PTPRN2: variants seen among roughly 807,000 people sequenced by gnomAD.
PTPRN2 encodes receptor-type tyrosine-protein phosphatase N2.
PTPRN2 carries 74 observed loss-of-function variants against 118.8 expected under a neutral mutation model. The ratio of observed to expected loss-of-function variants is 0.62; its 90% CI spans 0.52 to 0.76. The LOEUF is 0.76. Ranked by LOEUF, PTPRN2 falls within the 30% of genes least tolerant of loss-of-function variation. PTPRN2 has a pLI of 0.00. For missense variants in PTPRN2, 1,481 were observed against 1,394.4 expected, an observed-to-expected ratio of 1.06 and a Z score of -0.99; for synonymous variants, 641 against 608.0, an observed-to-expected ratio of 1.05 and a Z score of -0.80.
chr7:157,809,613 A>G (rs1805851924), intron 12 of PTPRN2, among the ~76,000 whole-genome samples: 1 of 152,156 alleles, frequency 6.6e-6, no homozygotes, highest in African/African-American at 2.4e-5. Flanking sequence ...CATCCTTCTA[A>G]GAAGAGACAG....
At chr7:157,783,924 C>G (rs999716711) in intron 12 of PTPRN2, among the ~76,000 whole-genome samples, 7 of 152,122 alleles carry the variant, frequency 4.6e-5, no homozygotes, top group Non-Finnish European at 8.8e-5. Flanking sequence ...GGCTGGGAGG[C>G]TGGTTGAATG....
chr7:157,712,707 C>A (rs768770327), intron 12 of PTPRN2, among the ~76,000 whole-genome samples: 1 of 140,266 alleles, frequency 7.1e-6, no homozygotes, highest in Non-Finnish European at 1.5e-5. Context: ...CCCAAGATTG[C>A]GCCATTGCAC....
chr7:157,855,194 G>GCGGGGCCGGA (rs2151215462), intron 12 of PTPRN2, among the ~76,000 whole-genome samples: 3 of 150,350 alleles, frequency 2.0e-5, no homozygotes, highest in Admixed American at 6.6e-5. Flanking sequence ...AGGGGTGTGT[G>GCGGGGCCGGA]TGGGGCCGGA....
intron 13 of PTPRN2, among the ~76,000 whole-genome samples, chr7:157,677,370 T>C (rs1357139402): frequency 6.6e-6 from 1 of 152,200 alleles, no homozygotes; most frequent in Admixed American, 6.5e-5. Context: ...TGGCTTGCTG[T>C]ACCCCAACGA....
At chr7:158,291,773 T>C (rs1800133974) in intron 3 of PTPRN2, among the ~76,000 whole-genome samples, 2 of 152,252 alleles carry the variant, frequency 1.3e-5, no homozygotes, top group Admixed American at 1.3e-4. Flanking sequence ...GACTTCTTCA[T>C]ATAGCTTTGC....
chr7:157,858,061 C>G (rs1809869022), intron 12 of PTPRN2, among the ~76,000 whole-genome samples: 1 of 142,012 alleles, frequency 7.0e-6, no homozygotes, highest in African/African-American at 2.6e-5. Flanking sequence ...CTACCACCCA[C>G]ACTCCTGCAG....
intron 15 of PTPRN2, among the ~76,000 whole-genome samples, chr7:157,620,813 G>A (rs543990822): frequency 3.3e-5 from 5 of 152,280 alleles, no homozygotes; most frequent in South Asian, 4.1e-4. Context: ...GGGGGGTGCC[G>A]GGAAGGAGAA....
rs1454911526 is a variant in PTPRN2 at position 158,509,333 on chromosome 7, G to A, written c.113-19548C>T. ...GCTCCCTGATCCCTAACGTGCAATC[G>A]GGGCTGGAGCCGGAGACCCCTCCAC... On this transcript the variant is annotated intron_variant, in intron 1 of 22. Transcript: ENST00000389418. This position sits in a 1 kb window ranked among gnomAD's most constrained non-coding sequence, Gnocchi z 4.4. Among the ~76,000 whole-genome samples the A allele has an allele frequency of 3.9e-5, 6 of 152,088 alleles. No individual in the cohort carries two copies. The highest frequency in any genetic ancestry group is 7.2e-5 in the African/African-American group (3 of 41,424).
intron 2 of PTPRN2, among the ~76,000 whole-genome samples, chr7:158,352,313 TC>T (rs1347129476): frequency 1.1e-5 from 1 of 94,302 alleles, no homozygotes; most frequent in African/African-American, 4.7e-5. Context: ...ACTGCTCCCC[TC>T]CCTGCCAGCT....
intron 2 of PTPRN2, among the ~76,000 whole-genome samples, chr7:158,359,405 G>A (rs1253561575): frequency 1.3e-5 from 2 of 152,150 alleles, no homozygotes; most frequent in East Asian, 1.9e-4. Flanking sequence ...AGTCACAAAG[G>A]AAAGGTGGTC....
At chr7:158,263,291 C>T (rs1437160041) in intron 3 of PTPRN2, among the ~76,000 whole-genome samples, 2 of 152,224 alleles carry the variant, frequency 1.3e-5, no homozygotes, top group Admixed American at 6.5e-5. Flanking sequence ...CTCACAGTCA[C>T]ATGTGCACAC....
chr7:157,558,257 T>C (rs1332238579), intron 21 of PTPRN2, among the ~76,000 whole-genome samples: 1 of 151,858 alleles, frequency 6.6e-6, no homozygotes, highest in Non-Finnish European at 1.5e-5. Flanking sequence ...AGGACCGAGA[T>C]GCAAACGCAG....
Position 157,759,190 on chromosome 7 carries a change from G to A in PTPRN2, c.1789-76253C>T, listed in dbSNP as rs553288542. On this transcript the variant is annotated intron_variant, in intron 12 of 22. Transcript: ENST00000389418. ...CTCCTGGGAGCATCGGTGCCTGGGC[G>A]CCGTGGGCGCAGGCGGTCGGCATTG... Among the ~76,000 whole-genome samples the A allele has an allele frequency of 1.6e-3, 241 of 152,342 alleles. 1 individual carries two copies. Among genetic ancestry groups the A allele is most frequent in the African/African-American group, 5.6e-3 (231 of 41,584 alleles).
In PTPRN2 at chr7:158,509,379, G is replaced by A. The variant is rs1371260459; in HGVS notation, c.113-19594C>T. Among the ~76,000 whole-genome samples, 5 of 152,172 alleles carry A rather than the reference G, an allele frequency of 3.3e-5. No homozygotes were observed. Among genetic ancestry groups the A allele is most frequent in the East Asian group, 1.9e-4 (1 of 5,192 alleles). On this transcript the variant is annotated intron_variant, in intron 1 of 22. Transcript: ENST00000389418. The surrounding 1 kb of genome is among the most constrained non-coding windows in gnomAD (Gnocchi z 4.4). ...TCCACCCTGCAGTCAGGGCCAGCGG[G>A]GCTGTCTCAGGCAGCACATCTAAAG...
rs981967014 is a variant in PTPRN2 at position 158,248,487 on chromosome 7, C to A, written c.278-43214G>T. On this transcript the variant is annotated intron_variant, in intron 3 of 22. Transcript: ENST00000389418. ...ATGTTTGCAATAAATTCAAAATTTT[C>A]AAAATACTGTGTAGGACTGAACAAA... 1.1e-4 allele frequency among the ~76,000 whole-genome samples: 16 copies of A among 152,186 alleles called. 1 individual carries two copies. Among genetic ancestry groups the A allele is most frequent in the Admixed American group, 1.0e-3 (16 of 15,272 alleles).
At chr7:158,504,838 A>C (rs1822627223) in intron 1 of PTPRN2, among the ~76,000 whole-genome samples, 1 of 152,244 alleles carries the variant, frequency 6.6e-6, no homozygotes, top group South Asian at 2.1e-4. Flanking sequence ...TAATACTGCA[A>C]TACGCAATCT....
rs1806161991 is a variant in PTPRN2 at position 157,813,117 on chromosome 7, C to T, written c.1788+85556G>A. 6.6e-6 allele frequency among the ~76,000 whole-genome samples: 1 copy of T among 152,140 alleles called. No individual in the cohort carries two copies. The highest frequency in any genetic ancestry group is 1.9e-4 in the East Asian group (1 of 5,186). ...AAAGACCTGTGCCGTGCTAAAACCA[C>T]ACGCATGGCAGCCTCCCCCAAGCCA... is the stretch of plus-strand genomic sequence containing the variant. On this transcript the variant is annotated intron_variant, in intron 12 of 22. Transcript: ENST00000389418. The surrounding 1 kb of genome is among the most constrained non-coding windows in gnomAD (Gnocchi z 4.7).
rs117788909 is a variant in PTPRN2, at chr7:158,394,842, C to T, written c.164-77910G>A. 3.9e-3 allele frequency among the ~76,000 whole-genome samples: 594 copies of T among 152,352 alleles called. 2 individuals carry two copies. The highest frequency in any genetic ancestry group is 7.1e-3 in the Non-Finnish European group (486 of 68,034). Reference sequence around the variant, plus strand: ...CCCTCACCTCCTAAACAGCCCTGACCAGAGGCATTTACCGTGTGCCCAAAA... The same window carrying T: ...CCCTCACCTCCTAAACAGCCCTGACTAGAGGCATTTACCGTGTGCCCAAAA... On this transcript the variant is annotated intron_variant, in intron 2 of 22. Transcript: ENST00000389418.
At chr7:158,490,360 C>T (rs1289514756) in intron 1 of PTPRN2, among the ~76,000 whole-genome samples, 9 of 152,178 alleles carry the variant, frequency 5.9e-5, no homozygotes, top group Admixed American at 1.3e-4. Context: ...GAAAGGCCAG[C>T]GCGGCTGGGC....
Sources: allele counts gnomAD v4.1 joint callset (sites outside exome capture counted in the v4.1 genomes callset), GRCh38; gene constraint gnomAD v4.1.1; non-coding constraint Gnocchi (gnomAD v3.1); transcripts MANE v1.5; gene names NCBI Gene and HGNC (gene_info 2026-07-23, HGNC 2026-07-21).